Variants in MGAT3 observed in about 807,000 individuals in gnomAD.
MGAT3 encodes the protein GlcNAc-T III.
Under a neutral mutation model 29.8 loss-of-function variants are expected in MGAT3, and 9 were observed. The ratio of observed to expected loss-of-function variants is 0.30; its 90% CI spans 0.18 to 0.53. The LOEUF (loss-of-function observed/expected upper bound fraction) is 0.53. Among genes scored for constraint, MGAT3 ranks in the 20% least tolerant of loss-of-function variants. The pLI is 0.96. For synonymous variants in MGAT3, 397 were observed against 348.9 expected (o/e 1.14, Z -1.54); for missense variants, 557 against 769.5 (o/e 0.72, Z 3.27).
chr22:39,480,166 G>A (rs148495298), intron 1 of MGAT3, among the ~76,000 whole-genome samples: 20 of 152,290 alleles, frequency 1.3e-4, no homozygotes, highest in African/African-American at 4.8e-4. Flanking sequence ...TTGGCTCCAG[G>A]GAGGCTATCT....
chr22:39,474,931 A>T (rs1195473562), intron 1 of MGAT3, among the ~76,000 whole-genome samples: 1 of 151,992 alleles, frequency 6.6e-6, no homozygotes, highest in Non-Finnish European at 1.5e-5. Flanking sequence ...CTGCTCCCTG[A>T]TAAGGTCCCT....
chr22:39,463,869 C>T (rs1246402163), intron 1 of MGAT3, among the ~76,000 whole-genome samples: 3 of 151,900 alleles, frequency 2.0e-5, no homozygotes, highest in East Asian at 1.9e-4. Flanking sequence ...GAGCTGAGAT[C>T]GCACCACCAC....
Position 39,489,066 on chromosome 22 carries a change from T to TGGGGG in MGAT3, c.*118_*122dup. 1 of 332,606 alleles carries TGGGGG rather than the reference T, an allele frequency of 3.0e-6. No homozygotes were observed. The highest frequency in any genetic ancestry group is 5.3e-6 in the Non-Finnish European group (1 of 188,424). The allele number at this position is 332,606 out of a possible 1,614,324, so 20.6% of individuals were successfully genotyped here. Reference sequence around the variant, plus strand: ...GAGGGGACCAGGAGTGGGTGGGGAGTGGGGGTGGGGGTAGGGTTTCCCTAC... The same window carrying TGGGGG: ...GAGGGGACCAGGAGTGGGTGGGGAGTGGGGGGGGGGTGGGGGTAGGGTTTCCCTAC... On this transcript the variant is annotated 3_prime_UTR_variant, in exon 2 of 2. Transcript: ENST00000341184.
chr22:39,471,978 C>T (rs542975176), intron 1 of MGAT3, among the ~76,000 whole-genome samples: 7 of 152,198 alleles, frequency 4.6e-5, no homozygotes, highest in South Asian at 2.1e-4. Flanking sequence ...CCCTAGAGGG[C>T]GAGGTATTGG....
chr22:39,467,453 A>C (rs1047077870), intron 1 of MGAT3, among the ~76,000 whole-genome samples: 11 of 152,144 alleles, frequency 7.2e-5, no homozygotes, highest in African/African-American at 2.4e-4. Context: ...GAGTGCAGGC[A>C]GCCCCATCTC....
intron 1 of MGAT3, among the ~76,000 whole-genome samples, chr22:39,471,894 G>A (rs578208565): frequency 2.3e-4 from 35 of 152,286 alleles, no homozygotes; most frequent in Admixed American, 2.0e-3. Context: ...AGGGGATAGC[G>A]TGGGGGAACT....
intron 1 of MGAT3, among the ~76,000 whole-genome samples, chr22:39,460,006 C>G (rs1485652149): frequency 6.6e-6 from 1 of 152,244 alleles, no homozygotes; most frequent in African/African-American, 2.4e-5. Flanking sequence ...GGTCCTCATG[C>G]AATTCTGGGA....
Position 39,489,124 on chromosome 22 carries a change from G to A in MGAT3, c.*175G>A, listed in dbSNP as rs988676553. The A allele has an allele frequency of 9.9e-6, 9 of 907,974 alleles. No homozygotes were observed. Among genetic ancestry groups the A allele is most frequent in the Admixed American group, 5.9e-5 (2 of 34,146 alleles). 56.2% of individuals were successfully genotyped at this position (907,974 alleles called of 1,614,324 possible). The stretch of plus-strand genomic sequence containing the variant: ...CTTGTGAATCAAGGGTCAGGCCTTT[G>A]AGCTCAGAAAATATCCCTCCTGTTG... On this transcript the variant is annotated 3_prime_UTR_variant, in exon 2 of 2. Coordinates refer to ENST00000341184, the MANE Select transcript of MGAT3 (RefSeq NM_002409.5).
intron 1 of MGAT3, among the ~76,000 whole-genome samples, chr22:39,462,851 G>A (rs1259685398): frequency 6.6e-6 from 1 of 152,186 alleles, no homozygotes; most frequent in East Asian, 1.9e-4. Flanking sequence ...TATTGTTTAT[G>A]AACTTATTTG....
At chr22:39,465,860 C>T (rs535050663) in intron 1 of MGAT3, among the ~76,000 whole-genome samples, 186 of 149,348 alleles carry the variant, frequency 1.2e-3, no homozygotes, top group African/African-American at 4.4e-3. Flanking sequence ...TGAACCTGGG[C>T]GGCAGAAGTT....
At chr22:39,473,872 T>C (rs1349990064) in intron 1 of MGAT3, among the ~76,000 whole-genome samples, 1 of 151,386 alleles carries the variant, frequency 6.6e-6, no homozygotes, top group Non-Finnish European at 1.5e-5. Context: ...TGGAGGTGTG[T>C]GGGCAGGGGG....
rs1928379037 is a variant in MGAT3, at chr22:39,457,800, G to A, written c.-2+243G>A. On this transcript the variant is annotated intron_variant, in intron 1 of 1. Coordinates refer to ENST00000341184, the MANE Select transcript of MGAT3 (RefSeq NM_002409.5). This position sits in a 1 kb window ranked among gnomAD's most constrained non-coding sequence, Gnocchi z 6.8. Reference sequence around the variant, plus strand: ...ACCCGCCGCTCCTCCGAGCTCCCCGGTCCCCGGAGGGCAGAGCCTCAGCGC... The same window carrying A: ...ACCCGCCGCTCCTCCGAGCTCCCCGATCCCCGGAGGGCAGAGCCTCAGCGC... Among the ~76,000 whole-genome samples, 1 of 151,178 alleles carries A rather than the reference G, an allele frequency of 6.6e-6. No individual in the cohort carries two copies.
intron 1 of MGAT3, among the ~76,000 whole-genome samples, chr22:39,465,793 A>G (rs367718719): frequency 3.3e-5 from 5 of 152,030 alleles, no homozygotes; most frequent in Admixed American, 3.3e-4. Flanking sequence ...TTAGCCGGGC[A>G]TGGTGGCGGG....
At chr22:39,472,743 G>C (rs1053868537) in intron 1 of MGAT3, 1 of 152,288 alleles carries the variant, frequency 6.6e-6, no homozygotes, top group African/African-American at 2.4e-5. Flanking sequence ...GGCAGGGCCA[G>C]CATCTGGCGG....
intron 1 of MGAT3, among the ~76,000 whole-genome samples, chr22:39,464,410 T>TG (rs2145710230): frequency 6.7e-6 from 1 of 150,100 alleles, no homozygotes; most frequent in Non-Finnish European, 1.5e-5. Flanking sequence ...GCTCTGTGCC[T>TG]GGCACGTAGA....
At chr22:39,476,228 T>G (rs1045237523) in intron 1 of MGAT3, among the ~76,000 whole-genome samples, 1 of 152,042 alleles carries the variant, frequency 6.6e-6, no homozygotes, top group African/African-American at 2.4e-5. Flanking sequence ...GCTCTTGGGA[T>G]GGGTCTTGGG....
At chr22:39,466,608 C>T (rs933911236) in intron 1 of MGAT3, among the ~76,000 whole-genome samples, 2 of 152,218 alleles carry the variant, frequency 1.3e-5, no homozygotes, top group Admixed American at 6.5e-5. Context: ...CTGCCCCTTC[C>T]AGCCCAGCTG....
At chr22:39,481,249 C>T (rs759693290) in intron 1 of MGAT3, among the ~76,000 whole-genome samples, 6 of 152,196 alleles carry the variant, frequency 3.9e-5, no homozygotes, top group African/African-American at 9.6e-5. Flanking sequence ...CCCTCTCCTG[C>T]GTGGAGTCTG....
At position 39,479,929 on chromosome 22, in the gene MGAT3, C is replaced by G. The variant is rs1332208195; in HGVS notation, c.-1-7418C>G. Among the ~76,000 whole-genome samples, 9 of 152,034 alleles carry G rather than the reference C, an allele frequency of 5.9e-5. 1 individual carries two copies. Among genetic ancestry groups the G allele is most frequent in the Admixed American group, 5.9e-4 (9 of 15,270 alleles). ...GACAGACATCTAGGGGAAAATGAGC[C>G]TAGTGTTGACTGGGGCTGGGGCCGT... On this transcript the variant is annotated intron_variant, in intron 1 of 1. Transcript: ENST00000341184.
Sources: gnomAD v4.1 joint callset for allele counts (sites outside exome capture counted in the v4.1 genomes callset) on GRCh38, gnomAD v4.1.1 for gene constraint, Gnocchi (gnomAD v3.1) non-coding constraint, MANE v1.5 for transcripts, NCBI Gene and HGNC (gene_info 2026-07-23, HGNC 2026-07-21) for gene names.